Variants in PIEZO2 observed in about 807,000 individuals in gnomAD.
PIEZO2 encodes piezo type mechanosensitive ion channel component 2.
A neutral mutation model predicts 337.3 loss-of-function variants in PIEZO2; 172 were observed. That is an observed-to-expected ratio of 0.51 (90% confidence interval 0.45 to 0.58). The LOEUF (loss-of-function observed/expected upper bound fraction) is 0.58. PIEZO2 is among the 20% of genes least tolerant of loss of function. The pLI is 0.00. For synonymous variants in PIEZO2, 1,251 were observed against 1,228.5 expected (o/e 1.02, Z -0.38); for missense variants, 3,028 against 3,391.3 (o/e 0.89, Z 2.66).
intron 36 of PIEZO2, chr18:10,725,590 C>A: frequency 1.5e-6 from 2 of 1,349,576 alleles, no homozygotes; most frequent in South Asian, 1.5e-5. Flanking sequence ...TCGGGGCTTT[C>A]CCTTCCTGAG....
chr18:10,794,950 G>A lies in PIEZO2; in HGVS notation c.1580C>T (p.Ser527Leu), dbSNP rs2039524718. 7 of 1,547,112 alleles carry A rather than the reference G, an allele frequency of 4.5e-6. No homozygotes were observed. The highest frequency in any genetic ancestry group is 6.1e-6 in the Non-Finnish European group (7 of 1,146,984). ...GTTGCGAATCATCCAAAGAGTGCACGACCAGATCAGCAGCACGAAGGTCAG... is the reference window on the plus strand; with the variant it reads ...GTTGCGAATCATCCAAAGAGTGCACAACCAGATCAGCAGCACGAAGGTCAG... ...SWLTFVLLIW[S>L]CTLWMIRNRR... The change falls in exon 13 of 56, where the codon TCG becomes TTG. Residue 527 changes from serine (S) to leucine (L), a missense_variant. Ser to Leu is a moderately radical substitution (Grantham distance 145). Transcript: ENST00000674853. This position sits in a 1 kb window ranked among gnomAD's most constrained non-coding sequence, Gnocchi z 6.6.
rs2040245341 is a variant in PIEZO2 at position 10,813,011 on chromosome 18, TCTCA to T, written c.918-5741_918-5738del. On this transcript the variant is annotated intron_variant, in intron 7 of 55. Transcript: ENST00000674853. This position sits in a 1 kb window ranked among gnomAD's most constrained non-coding sequence, Gnocchi z 4.2. ...TTTTTTTTTTTTTCTTGAGACGGAG[TCTCA>T]CTCTGTCACCCGGGCTGGAGTGCAT... Among the ~76,000 whole-genome samples the T allele has an allele frequency of 6.7e-6, 1 of 149,800 alleles. No individual in the cohort carries two copies. The highest frequency in any genetic ancestry group is 1.5e-5 in the Non-Finnish European group (1 of 67,734).
intron 24 of PIEZO2, among the ~76,000 whole-genome samples, chr18:10,760,665 A>G (rs2038086051): frequency 6.6e-6 from 1 of 152,224 alleles, no homozygotes; most frequent in Admixed American, 6.5e-5. Flanking sequence ...ATGGCCATGC[A>G]TTTAGATGGC....
Position 10,767,846 on chromosome 18 carries a change from G to A in PIEZO2, c.2946+2302C>T, listed in dbSNP as rs1231950618. On this transcript the variant is annotated intron_variant, in intron 21 of 55. Coordinates refer to ENST00000674853, the MANE Select transcript of PIEZO2 (RefSeq NM_001378183.1). The surrounding 1 kb of genome is among the most constrained non-coding windows in gnomAD (Gnocchi z 4.2). ...CAACCAGGGGCTGGGTGTCAGTGCC[G>A]GCCAAGAGTGGCTGTGGGATGCCCC... Among the ~76,000 whole-genome samples the A allele has an allele frequency of 2.0e-5, 3 of 152,180 alleles. No homozygotes were observed. The highest frequency in any genetic ancestry group is 6.5e-5 in the Admixed American group (1 of 15,282).
rs142109744 is a variant in PIEZO2, at chr18:10,861,612, G to A, written c.493-4401C>T. 6.5e-3 allele frequency among the ~76,000 whole-genome samples: 990 copies of A among 152,314 alleles called. 5 individuals are homozygous for A. Among genetic ancestry groups the A allele is most frequent in the Non-Finnish European group, 0.011 (756 of 68,024 alleles). ...ACCAGAGGCTGGGGAAGGAGGCCAG[G>A]GACCTGGAAAGGGCAGATGCTGATC... On this transcript the variant is annotated intron_variant, in intron 5 of 55. Coordinates refer to ENST00000674853, the MANE Select transcript of PIEZO2 (RefSeq NM_001378183.1). This position sits in a 1 kb window ranked among gnomAD's most constrained non-coding sequence, Gnocchi z 4.3.
rs970306770 is a variant in PIEZO2, at chr18:10,697,265, C to G, written c.6827+483G>C. 3.3e-5 allele frequency among the ~76,000 whole-genome samples: 5 copies of G among 152,328 alleles called. No homozygotes were observed. The East Asian group carries it at 9.7e-4, about 29-fold the overall frequency. ...CCTCTGTCCAGGGCTCCACTCCCAG[C>G]TGGCAGTCCCAGTCCCATGCACCAC... On this transcript the variant is annotated intron_variant, in intron 45 of 55. Transcript: ENST00000674853.
intron 27 of PIEZO2, among the ~76,000 whole-genome samples, chr18:10,753,484 C>G (rs1036030127): frequency 6.6e-6 from 1 of 152,166 alleles, no homozygotes; most frequent in Non-Finnish European, 1.5e-5. Flanking sequence ...GGCCAGCGTT[C>G]CGGTGTCAGT....
At chr18:10,702,450 T>C (rs2035383052) in intron 42 of PIEZO2, among the ~76,000 whole-genome samples, 1 of 152,256 alleles carries the variant, frequency 6.6e-6, no homozygotes. Flanking sequence ...CATTTCCTCT[T>C]TTTTGAGGTG....
At chr18:10,814,383 C>T (rs556683928) in intron 7 of PIEZO2, among the ~76,000 whole-genome samples, 55 of 152,104 alleles carry the variant, frequency 3.6e-4, no homozygotes, top group Non-Finnish European at 7.4e-4. Context: ...TAGCATAAAA[C>T]GAATATTTGG....
chr18:10,907,311 C>T (rs1437486460), intron 4 of PIEZO2, among the ~76,000 whole-genome samples: 7 of 151,870 alleles, frequency 4.6e-5, no homozygotes, highest in African/African-American at 9.7e-5. Context: ...GGTGTGATGG[C>T]GGGTGCATGT....
chr18:10,782,596 G>C lies in PIEZO2; in HGVS notation c.2492+2188C>G, dbSNP rs550738961. Among the ~76,000 whole-genome samples, 65 of 146,414 alleles carry C rather than the reference G, an allele frequency of 4.4e-4. 1 individual carries two copies. The highest frequency in any genetic ancestry group is 1.5e-3 in the African/African-American group (60 of 39,308). On this transcript the variant is annotated intron_variant, in intron 17 of 55. Coordinates refer to ENST00000674853, the MANE Select transcript of PIEZO2 (RefSeq NM_001378183.1). ...ATGTCCTTAAACTCTTCAGAGAACT[G>C]GCATTACACACTCTTTCCTCACCCT...
rs2040600138 is a variant in PIEZO2, at chr18:10,824,119, T to A, written c.918-16845A>T. 6.6e-6 allele frequency among the ~76,000 whole-genome samples: 1 copy of A among 152,174 alleles called. No homozygotes were observed. The highest frequency in any genetic ancestry group is 1.5e-5 in the Non-Finnish European group (1 of 68,026). On this transcript the variant is annotated intron_variant, in intron 7 of 55. Transcript: ENST00000674853. This position sits in a 1 kb window ranked among gnomAD's most constrained non-coding sequence, Gnocchi z 4.4. ...TATGAATTTAACCCTATATATATAT[T>A]TTATGCACATATATAATATAGTCCA...
At position 11,083,769 on chromosome 18, in the gene PIEZO2, A is replaced by G. The variant is rs1031393592; in HGVS notation, c.65-17547T>C. ...GCTCTCCGAGGCTAGAGGCACAACT[A>G]AGGTTCAAGGAACAGGAAAGCTTCC... On this transcript the variant is annotated intron_variant, in intron 1 of 55. Transcript: ENST00000674853. This position sits in a 1 kb window ranked among gnomAD's most constrained non-coding sequence, Gnocchi z 4.4. Among the ~76,000 whole-genome samples the G allele has an allele frequency of 6.6e-6, 1 of 152,246 alleles. No homozygotes were observed. The highest frequency in any genetic ancestry group is 2.1e-4 in the South Asian group (1 of 4,832).
rs984837936 is a variant in PIEZO2, at chr18:10,929,515, G to T, written c.287-18287C>A. On this transcript the variant is annotated intron_variant, in intron 3 of 55. Transcript: ENST00000674853. This position sits in a 1 kb window ranked among gnomAD's most constrained non-coding sequence, Gnocchi z 5.6. ...ACAAAAATTTTGCATTTCAAAAGTT[G>T]CATGTTGAGACCATTTCAAAAAAGG... is the stretch of plus-strand genomic sequence containing the variant. Among the ~76,000 whole-genome samples, 22 of 152,162 alleles carry T rather than the reference G, an allele frequency of 1.4e-4. 1 individual carries two copies. Among genetic ancestry groups the T allele is most frequent in the Non-Finnish European group, 7.3e-5 (5 of 68,028 alleles).
intron 3 of PIEZO2, among the ~76,000 whole-genome samples, chr18:10,956,076 T>C (rs2033508269): frequency 6.6e-6 from 1 of 152,164 alleles, no homozygotes; most frequent in Non-Finnish European, 1.5e-5. Context: ...AATTCATATA[T>C]AAGGCTTTGA....
intron 2 of PIEZO2, among the ~76,000 whole-genome samples, chr18:11,017,677 C>G (rs2036165709): frequency 6.6e-6 from 1 of 152,178 alleles, no homozygotes; most frequent in African/African-American, 2.4e-5. Flanking sequence ...AACAGGCATG[C>G]TCTTCCCTCT....
intron 1 of PIEZO2, among the ~76,000 whole-genome samples, chr18:11,113,973 G>A (rs1475527667): frequency 6.6e-6 from 1 of 152,136 alleles, no homozygotes; most frequent in Non-Finnish European, 1.5e-5. Context: ...CAATAGCTAC[G>A]GCAAAGCCAA....
chr18:10,803,967 C>A lies in PIEZO2; in HGVS notation c.1108G>T (p.Asp370Tyr). The A allele has an allele frequency of 6.5e-7, 1 of 1,537,360 alleles. No individual in the cohort carries two copies. Among genetic ancestry groups the A allele is most frequent in the Non-Finnish European group, 8.7e-7 (1 of 1,146,948 alleles). The change falls in exon 9 of 56, where the codon GAC becomes TAC. Residue 370 changes from aspartate to tyrosine, a missense_variant. By Grantham distance (160) the Asp-to-Tyr change is radical (BLOSUM62 -3). Around this residue, in one of 5 missense-constraint regions of PIEZO2, gnomAD observed 542 missense variants for 605.6 expected, o/e 0.89. Transcript: ENST00000674853. ...LVQDEGTKEEDKALACSPIQI... is the reference protein window; with the variant it reads ...LVQDEGTKEEYKALACSPIQI... ...ATGGGGCTACAAGCCAGGGCTTTGT[C>A]CTCTTCTTTGGTCCCCTCATCCTGC...
intron 7 of PIEZO2, among the ~76,000 whole-genome samples, chr18:10,832,194 T>C (rs2040863903): frequency 6.6e-6 from 1 of 151,868 alleles, no homozygotes; most frequent in African/African-American, 2.4e-5. Context: ...TACGCCGAGA[T>C]CATGCCACTG....
Sources: gnomAD v4.1 joint callset for allele counts (sites outside exome capture counted in the v4.1 genomes callset) on GRCh38, gnomAD v4.1.1 for gene constraint, gnomAD v4.1.1 regional missense constraint, Gnocchi (gnomAD v3.1) non-coding constraint, MANE v1.5 for transcripts, NCBI Gene and HGNC (gene_info 2026-07-23, HGNC 2026-07-21) for gene names.